The following ANKRD31 variants were observed in gnomAD, a reference collection of about 807,000 sequenced individuals.
The protein encoded by ANKRD31 is ankyrin repeat domain-containing protein 31.
In ANKRD31, 147 loss-of-function variants were observed where a neutral mutation model predicts 186.0. The observed-to-expected ratio is 0.79, with a 90% confidence interval of 0.69 to 0.91. The LOEUF (loss-of-function observed/expected upper bound fraction) is 0.91, where lower values mean the gene tolerates loss of function less well. ANKRD31 is among the 40% of genes least tolerant of loss of function. ANKRD31 has a pLI of 0.00. For synonymous variants in ANKRD31, 673 were observed against 736.4 expected, an observed-to-expected ratio of 0.91 and a Z score of 1.39; for missense variants, 1,986 against 2,148.8, an observed-to-expected ratio of 0.92 and a Z score of 1.50.
intron 22 of ANKRD31, 24 bp downstream of exon 22, chr5:75,104,204 T>A (rs982229410): frequency 1.4e-6 from 2 of 1,449,032 alleles, no homozygotes; most frequent in African/African-American, 2.9e-5. Context: ...TTTGCATGAT[T>A]TTAGAGAAAA....
intron 11 of ANKRD31, among the ~76,000 whole-genome samples, chr5:75,165,985 G>A (rs1041048085): frequency 1.3e-5 from 2 of 152,156 alleles, no homozygotes; most frequent in African/African-American, 4.8e-5. Flanking sequence ...CTTTTATTAG[G>A]TGAAATGATA....
Position 75,110,952 on chromosome 5 carries a change from C to A in ANKRD31, c.4243+1561G>T, listed in dbSNP as rs78345579. ...ATTTAAAATGCTTATATAATTTGAC[C>A]AATAGTTACAACTCTGTTAATCTTT... On this transcript the variant is annotated intron_variant, in intron 20 of 25. Transcript: ENST00000506364. Among the ~76,000 whole-genome samples, 360 of 150,146 alleles carry A rather than the reference C, an allele frequency of 2.4e-3. 7 individuals carry two copies. In the East Asian group the frequency reaches 0.062, roughly 26 times the overall value.
At chr5:75,156,854 T>C (rs1322252671) in intron 11 of ANKRD31, among the ~76,000 whole-genome samples, 1 of 152,186 alleles carries the variant, frequency 6.6e-6, no homozygotes, top group East Asian at 1.9e-4. Flanking sequence ...TTTAGCCCAG[T>C]GATTCTGATT....
At chr5:75,096,910 G>A (rs552333837) in intron 22 of ANKRD31, among the ~76,000 whole-genome samples, 19 of 150,322 alleles carry the variant, frequency 1.3e-4, no homozygotes, top group African/African-American at 2.5e-4. Context: ...AACATGCAGC[G>A]TTCGGTTTTC....
intron 22 of ANKRD31, among the ~76,000 whole-genome samples, chr5:75,101,415 T>C (rs1029764112): frequency 2.0e-5 from 3 of 152,208 alleles, no homozygotes; most frequent in Non-Finnish European, 2.9e-5. Context: ...GGAGTTGCTC[T>C]TCTTGAGGAG....
rs1206399012 is a variant in ANKRD31, at chr5:75,207,006, C to T, written c.327-519G>A. On this transcript the variant is annotated intron_variant, in intron 4 of 25. Transcript: ENST00000506364. ...AAGCAAAATAAGGGTCATGCCTAAT[C>T]TGCAATTTTCATCATCTGCCCTGTG... Among the ~76,000 whole-genome samples, 5 of 152,160 alleles carry T rather than the reference C, an allele frequency of 3.3e-5. No individual in the cohort carries two copies. In the South Asian group the frequency reaches 6.2e-4, roughly 19 times the overall value.
At chr5:75,116,072 T>C (rs961831899) in intron 19 of ANKRD31, among the ~76,000 whole-genome samples, 1 of 151,302 alleles carries the variant, frequency 6.6e-6, no homozygotes, top group African/African-American at 2.4e-5. Flanking sequence ...TGGAATACTA[T>C]GCAGCCATAA....
chr5:75,165,530 T>C (rs1752859754), intron 11 of ANKRD31, among the ~76,000 whole-genome samples: 1 of 152,186 alleles, frequency 6.6e-6, no homozygotes, highest in Non-Finnish European at 1.5e-5. Flanking sequence ...AATATCAGCA[T>C]AAACTCATGA....
chr5:75,072,053 T>C (rs142871731), intron 25 of ANKRD31, among the ~76,000 whole-genome samples: 85 of 152,358 alleles, frequency 5.6e-4, no homozygotes, highest in African/African-American at 2.0e-3. Flanking sequence ...ATGTAAAGTT[T>C]CCTACAATGT....
At position 75,192,684 on chromosome 5, in the gene ANKRD31, T is replaced by C; in HGVS notation, c.1391A>G (p.Gln464Arg). 3 of 1,531,162 alleles carry C rather than the reference T, an allele frequency of 2.0e-6. No homozygotes were observed. Among genetic ancestry groups the C allele is most frequent in the Admixed American group, 2.0e-5 (1 of 50,350 alleles). The allele number at this position is 1,531,162 out of a possible 1,614,324, so 94.8% of individuals were successfully genotyped here. A position where few individuals can be genotyped will look rare whatever the true frequency, so the allele number is the denominator to read the frequency against. ...TGCATCACCTTTTTTTCCTGAAAAT[T>C]GTTCATTTTTCCTGATCTGTTTTCC... is the stretch of plus-strand genomic sequence containing the variant. Reference protein sequence around the residue: ...KNGKQIRKNEQFSGKKEKMKV... With the variant: ...KNGKQIRKNERFSGKKEKMKV... Residue 464 changes from glutamine to arginine, a missense_variant, in exon 9 of 26, where the codon CAA becomes CGA. Coordinates refer to ENST00000506364, the MANE Select transcript of ANKRD31 (RefSeq NM_001372053.1).
At chr5:75,120,309 T>G (rs1272393310) in intron 17 of ANKRD31, among the ~76,000 whole-genome samples, 1 of 152,094 alleles carries the variant, frequency 6.6e-6, no homozygotes, top group Non-Finnish European at 1.5e-5. Context: ...GCTGGAGGAT[T>G]ACTTGACCCT....
intron 12 of ANKRD31, among the ~76,000 whole-genome samples, chr5:75,152,736 C>T (rs1422902794): frequency 1.3e-5 from 2 of 151,634 alleles, no homozygotes; most frequent in African/African-American, 4.8e-5. Context: ...AGCTTAGATT[C>T]TGGAGGAAAA....
At chr5:75,127,498 A>C (rs1202533623) in intron 17 of ANKRD31, among the ~76,000 whole-genome samples, 2 of 152,204 alleles carry the variant, frequency 1.3e-5, no homozygotes, top group Non-Finnish European at 2.9e-5. Flanking sequence ...ATCCTAATCT[A>C]ACTTATGCTA....
At chr5:75,193,678 G>T (rs2150246688) in intron 7 of ANKRD31, 87 bp from the exon 8 acceptor site, 2 of 1,295,328 alleles carry the variant, frequency 1.5e-6, no homozygotes, top group Non-Finnish European at 2.1e-6. Context: ...CTTGACCTTT[G>T]CTTAAATTAA....
At chr5:75,122,122 AGACAT>A (rs1391103488) in intron 17 of ANKRD31, among the ~76,000 whole-genome samples, 2 of 152,118 alleles carry the variant, frequency 1.3e-5, no homozygotes, top group African/African-American at 4.8e-5. Context: ...GAAATGAAGA[AGACAT>A]TGTAACTGAT....
In ANKRD31 at chr5:75,175,361, C is replaced by A. The variant is rs1753705429; in HGVS notation, c.1565-6240G>T. Among the ~76,000 whole-genome samples, 5 of 151,920 alleles carry A rather than the reference C, an allele frequency of 3.3e-5. No individual in the cohort carries two copies. In the South Asian group the frequency reaches 1.0e-3, roughly 32 times the overall value. On this transcript the variant is annotated intron_variant, in intron 10 of 25. Coordinates refer to ENST00000506364, the MANE Select transcript of ANKRD31 (RefSeq NM_001372053.1). ...AAACCTGCATGTTGTGCACATGTAC[C>A]CTAGAGCTTCAAGTATATTAAAAAA...
At chr5:75,182,631 A>G (rs1232467207) in intron 10 of ANKRD31, among the ~76,000 whole-genome samples, 1 of 151,898 alleles carries the variant, frequency 6.6e-6, no homozygotes, top group Non-Finnish European at 1.5e-5. Context: ...AGGCAGGAGA[A>G]TCTCTTGAAC....
At chr5:75,202,612 TATATTTGC>T (rs1755892696) in intron 5 of ANKRD31, among the ~76,000 whole-genome samples, 1 of 152,372 alleles carries the variant, frequency 6.6e-6, no homozygotes, top group East Asian at 1.9e-4. Context: ...CCAAAGCTAT[TATATTTGC>T]TTAAGGCAGT....
intron 6 of ANKRD31, 60 bp downstream of exon 6, chr5:75,199,568 CATA>C: frequency 7.6e-7 from 1 of 1,321,654 alleles, no homozygotes; most frequent in Non-Finnish European, 1.0e-6. Context: ...CTTTAATCGA[CATA>C]ATTTTTTAAA....
Sources: gnomAD v4.1 joint callset for allele counts (sites outside exome capture counted in the v4.1 genomes callset) on GRCh38, gnomAD v4.1.1 for gene constraint, MANE v1.5 for transcripts, NCBI Gene and HGNC (gene_info 2026-07-23, HGNC 2026-07-21) for gene names.